The following FSTL5 variants were observed in gnomAD, a reference collection of about 807,000 sequenced individuals.
FSTL5 encodes the protein follistatin-related protein 5.
FSTL5 carries 62 observed loss-of-function variants against 89.1 expected under a neutral mutation model. That is an observed-to-expected ratio of 0.70 (90% CI 0.57 to 0.86). FSTL5 has a LOEUF of 0.86. Among genes scored for constraint, FSTL5 ranks in the 40% least tolerant of loss-of-function variants. The probability of loss-of-function intolerance (pLI) is 0.00; values close to 1 mark genes in which losing one functional copy is unlikely to be tolerated. For synonymous variants in FSTL5, 383 were observed against 346.2 expected (o/e 1.11, Z -1.18); for missense variants, 1,057 against 1,001.6 (o/e 1.06, Z -0.75).
intron 6 of FSTL5, among the ~76,000 whole-genome samples, chr4:161,706,530 T>G (rs558570013): frequency 7.7e-4 from 117 of 152,192 alleles, no homozygotes; most frequent in African/African-American, 2.8e-3. Flanking sequence ...GAATGCTTTT[T>G]TCATTAGGAT....
intron 3 of FSTL5, among the ~76,000 whole-genome samples, chr4:161,966,536 G>C (rs966516315): frequency 1.4e-4 from 22 of 152,064 alleles, no homozygotes; most frequent in African/African-American, 5.3e-4. Flanking sequence ...TTGAGGTCTA[G>C]AATAGATGCT....
chr4:161,558,132 A>G (rs562402499), intron 8 of FSTL5, among the ~76,000 whole-genome samples: 2 of 152,072 alleles, frequency 1.3e-5, no homozygotes, highest in African/African-American at 4.8e-5. Context: ...AACGTTTTAT[A>G]AAACAATCCC....
chr4:161,393,251 G>A (rs114122889), intron 15 of FSTL5, among the ~76,000 whole-genome samples: 2,346 of 151,752 alleles, frequency 0.015, 58 homozygotes, highest in African/African-American at 0.053. Context: ...GCAAGAGAGA[G>A]ATAGTAACTG....
At chr4:162,158,500 ATATAG>A (rs1188790069) in intron 1 of FSTL5, among the ~76,000 whole-genome samples, 1 of 152,106 alleles carries the variant, frequency 6.6e-6, no homozygotes. Context: ...AGGCATTTAC[ATATAG>A]TAAAGAGATT....
intron 4 of FSTL5, among the ~76,000 whole-genome samples, chr4:161,886,406 T>C (rs1579168648): frequency 6.6e-6 from 1 of 152,116 alleles, no homozygotes; most frequent in Admixed American, 6.5e-5. Flanking sequence ...TAAACTAGAG[T>C]CTTCTTCAGT....
intron 12 of FSTL5, among the ~76,000 whole-genome samples, chr4:161,499,404 C>T (rs1175198417): frequency 1.3e-5 from 2 of 152,066 alleles, no homozygotes; most frequent in African/African-American, 2.4e-5. Context: ...ATTATCTCCT[C>T]TCATAATGTT....
chr4:161,913,644 C>T (rs1439144539), intron 4 of FSTL5, among the ~76,000 whole-genome samples: 1 of 152,114 alleles, frequency 6.6e-6, no homozygotes, highest in African/African-American at 2.4e-5. Flanking sequence ...GGAGTCTGTA[C>T]CCTGCAAAGC....
At chr4:161,672,434 A>G (rs1281258328) in intron 6 of FSTL5, among the ~76,000 whole-genome samples, 1 of 152,132 alleles carries the variant, frequency 6.6e-6, no homozygotes, top group East Asian at 1.9e-4. Context: ...TTAAGTGCCA[A>G]TTAACAAACA....
At position 161,920,509 on chromosome 4, in the gene FSTL5, C is replaced by A. The variant is rs1253439810; in HGVS notation, c.304G>T (p.Gly102Ter). Residue 102 changes from glycine to a stop codon, truncating the protein, a stop_gained, in exon 4 of 16, where the codon GGA becomes TGA. Coordinates refer to ENST00000306100, the MANE Select transcript of FSTL5 (RefSeq NM_020116.5). LOFTEE classifies it high-confidence loss of function. Reference sequence around the variant, plus strand: ...TTTTCATAGAATTCTCCGTCAGATCCACACACAGGTTTGTAGTGACGTTTG... The same window carrying A: ...TTTTCATAGAATTCTCCGTCAGATCAACACACAGGTTTGTAGTGACGTTTG... ...LCKRHYKPVC[G>*]SDGEFYENHC... 1.2e-6 allele frequency: 2 copies of A among 1,612,780 alleles called. No homozygotes were observed. The highest frequency in any genetic ancestry group is 1.7e-6 in the Non-Finnish European group (2 of 1,179,616).
rs188451129 is a variant in FSTL5 at position 161,975,609 on chromosome 4, G to T, written c.161-54957C>A. Among the ~76,000 whole-genome samples, 1,904 of 151,046 alleles carry T rather than the reference G, an allele frequency of 0.013. 125 individuals are homozygous for T. The East Asian group carries it at 0.2, about 16-fold the overall frequency. On this transcript the variant is annotated intron_variant, in intron 3 of 15. Coordinates refer to ENST00000306100, the MANE Select transcript of FSTL5 (RefSeq NM_020116.5). ...CACACTCTGGGGACTGTGGTGGGGT[G>T]GGGGGAGTGGGGAGGGATAGCACTG...
In FSTL5 at chr4:161,942,501, T is replaced by C. The variant is rs566847606; in HGVS notation, c.161-21849A>G. On this transcript the variant is annotated intron_variant, in intron 3 of 15. Transcript: ENST00000306100. ...TTACTGAAATAACATATAAAGAGAC[T>C]AAATCAGTAATCAAAGACCTCCCAA... Among the ~76,000 whole-genome samples the C allele has an allele frequency of 2.1e-3, 312 of 152,148 alleles. 1 individual carries two copies. Among genetic ancestry groups the C allele is most frequent in the African/African-American group, 7.1e-3 (295 of 41,546 alleles).
At chr4:161,807,083 T>C (rs1729991870) in intron 4 of FSTL5, among the ~76,000 whole-genome samples, 1 of 145,486 alleles carries the variant, frequency 6.9e-6, no homozygotes, top group Non-Finnish European at 1.5e-5. Context: ...AGAGGTACTC[T>C]AAAAAATTGG....
chr4:161,670,782 T>A (rs1272138789), intron 6 of FSTL5, among the ~76,000 whole-genome samples: 1 of 152,194 alleles, frequency 6.6e-6, no homozygotes, highest in African/African-American at 2.4e-5. Context: ...GTCCAAAGAC[T>A]GGGCCTTAAC....
intron 15 of FSTL5, chr4:161,388,271 CT>C (rs1425325163): frequency 6.6e-6 from 1 of 152,046 alleles, no homozygotes; most frequent in African/African-American, 2.4e-5. Flanking sequence ...GTAAACCCAG[CT>C]CATACCATAC....
chr4:161,431,803 G>C (rs745554320), intron 15 of FSTL5, among the ~76,000 whole-genome samples: 1 of 152,048 alleles, frequency 6.6e-6, no homozygotes, highest in South Asian at 2.1e-4. Flanking sequence ...ACCAATAAAA[G>C]AACAGCAGTA....
At chr4:161,612,686 T>C (rs895665106) in intron 7 of FSTL5, among the ~76,000 whole-genome samples, 8 of 152,192 alleles carry the variant, frequency 5.3e-5, no homozygotes, top group Admixed American at 5.2e-4. Context: ...GTTGACGCTA[T>C]AAAACGTCAG....
Position 161,585,094 on chromosome 4 carries a change from G to A in FSTL5, c.1015+2361C>T, listed in dbSNP as rs1733559759. On this transcript the variant is annotated intron_variant, in intron 8 of 15. Coordinates refer to ENST00000306100, the MANE Select transcript of FSTL5 (RefSeq NM_020116.5). ...CTTCAGAAAAACCCGAGATCAGAGA[G>A]TAAGCAGTTCATTCATGGGAGGGGA... 2.6e-5 allele frequency among the ~76,000 whole-genome samples: 4 copies of A among 152,214 alleles called. No individual in the cohort carries two copies. In the South Asian group the frequency reaches 8.3e-4, roughly 32 times the overall value.
chr4:162,012,029 T>A (rs191280799), intron 3 of FSTL5, among the ~76,000 whole-genome samples: 1 of 152,222 alleles, frequency 6.6e-6, no homozygotes, highest in Non-Finnish European at 1.5e-5. Flanking sequence ...TATATTCTTA[T>A]TATACCTAGG....
intron 3 of FSTL5, among the ~76,000 whole-genome samples, chr4:162,002,507 T>A (rs552376510): frequency 5.8e-4 from 88 of 152,296 alleles, no homozygotes; most frequent in African/African-American, 2.0e-3. Context: ...ATTATATATA[T>A]CTTGTTGGCA....
Sources: gnomAD v4.1 joint callset for allele counts (sites outside exome capture counted in the v4.1 genomes callset) on GRCh38, gnomAD v4.1.1 for gene constraint, MANE v1.5 for transcripts, NCBI Gene and HGNC (gene_info 2026-07-23, HGNC 2026-07-21) for gene names.